Variants in PLPP1 observed in about 807,000 individuals in gnomAD.
PLPP1 encodes lipid phosphate phosphohydrolase 1a.
PLPP1 carries 24 observed loss-of-function variants against 31.2 expected under a neutral mutation model. That is an observed-to-expected ratio of 0.77 (90% CI 0.56 to 1.08). PLPP1 has a LOEUF of 1.08. PLPP1 is among the 50% of genes least tolerant of loss of function. The pLI is 0.00. For missense variants in PLPP1, 319 were observed against 342.7 expected (o/e 0.93, Z 0.55); for synonymous variants, 146 against 126.3 (o/e 1.16, Z -1.05).
chr5:55,443,193 ATAT>A (rs1378429295), intron 3 of PLPP1, among the ~76,000 whole-genome samples: 6 of 24,588 alleles, frequency 2.4e-4, no homozygotes, highest in African/African-American at 6.6e-4. Flanking sequence ...AAAAAAAAAA[ATAT>A]ATATATATAT....
At chr5:55,447,805 A>C (rs1030913279) in intron 3 of PLPP1, among the ~76,000 whole-genome samples, 1 of 152,230 alleles carries the variant, frequency 6.6e-6, no homozygotes, top group Non-Finnish European at 1.5e-5. Context: ...CAATGTAAAA[A>C]TTGTCTTCTT....
chr5:55,531,182 C>T (rs928950751), intron 1 of PLPP1, among the ~76,000 whole-genome samples: 2 of 152,150 alleles, frequency 1.3e-5, no homozygotes, highest in African/African-American at 4.8e-5. Flanking sequence ...ATTCTTTTTC[C>T]AAGAATTTAC....
intron 3 of PLPP1, among the ~76,000 whole-genome samples, chr5:55,464,765 C>T (rs778066646): frequency 8.5e-5 from 13 of 152,234 alleles, no homozygotes; most frequent in Middle Eastern, 3.4e-3. Context: ...CTAGAAAACA[C>T]AAAACTATAG....
intron 4 of PLPP1, 100 bp downstream of exon 4, chr5:55,441,751 G>A: frequency 8.1e-7 from 1 of 1,237,004 alleles, no homozygotes; most frequent in East Asian, 2.3e-5. Context: ...TTCACCTTTT[G>A]CTACTGGCTA....
intron 1 of PLPP1, 144 bp downstream of exon 1, chr5:55,534,428 C>G (rs1321910802): frequency 1.1e-6 from 1 of 875,298 alleles, no homozygotes; most frequent in East Asian, 3.3e-5. Flanking sequence ...AGCGGGGTCC[C>G]TCGGCTGCAG....
intron 4 of PLPP1, among the ~76,000 whole-genome samples, chr5:55,427,554 T>C (rs1468860839): frequency 1.3e-5 from 2 of 152,170 alleles, no homozygotes; most frequent in South Asian, 2.1e-4. Context: ...ACTTCCAACC[T>C]GAAGGAAACT....
intron 1 of PLPP1, among the ~76,000 whole-genome samples, chr5:55,495,642 T>C (rs1227157323): frequency 6.6e-6 from 1 of 152,116 alleles, no homozygotes; most frequent in East Asian, 1.9e-4. Flanking sequence ...AAACTTAGTA[T>C]TGAGCATTGT....
At chr5:55,479,651 A>C (rs563654427) in intron 1 of PLPP1, among the ~76,000 whole-genome samples, 2 of 152,330 alleles carry the variant, frequency 1.3e-5, no homozygotes, top group East Asian at 3.9e-4. Context: ...GTGAAATGGG[A>C]AAGTAGCTCT....
intron 1 of PLPP1, among the ~76,000 whole-genome samples, chr5:55,527,791 T>G (rs1740519505): frequency 6.6e-6 from 1 of 152,164 alleles, no homozygotes; most frequent in African/African-American, 2.4e-5. Flanking sequence ...GAAAGATGTG[T>G]AACTATAGAT....
chr5:55,428,523 C>T (rs1227613622), intron 4 of PLPP1, among the ~76,000 whole-genome samples: 1 of 152,246 alleles, frequency 6.6e-6, no homozygotes, highest in Non-Finnish European at 1.5e-5. Flanking sequence ...GTAAGTTCAA[C>T]AAAGCTAAAA....
intron 4 of PLPP1, among the ~76,000 whole-genome samples, chr5:55,429,433 A>G (rs1218260848): frequency 6.6e-6 from 1 of 152,110 alleles, no homozygotes; most frequent in East Asian, 1.9e-4. Flanking sequence ...CCTGGCAGGG[A>G]TTGGTTGGGG....
intron 4 of PLPP1, among the ~76,000 whole-genome samples, chr5:55,440,441 T>C (rs1211308001): frequency 6.6e-6 from 1 of 152,244 alleles, no homozygotes; most frequent in Non-Finnish European, 1.5e-5. Context: ...GAAAGAATGC[T>C]GATTTTTTTC....
chr5:55,432,095 CTTCTTTTTTTTTTTTTT>C (rs1480823166), intron 4 of PLPP1, among the ~76,000 whole-genome samples: 5 of 145,862 alleles, frequency 3.4e-5, no homozygotes, highest in Non-Finnish European at 3.0e-5. Flanking sequence ...TTTTCTTTTT[CTTCTTTTTTTTTTTTTT>C]TTTTTTTTTT....
intron 4 of PLPP1, among the ~76,000 whole-genome samples, chr5:55,426,715 G>A (rs1015266996): frequency 1.1e-4 from 16 of 152,050 alleles, no homozygotes; most frequent in African/African-American, 3.4e-4. Context: ...ACCCAGTATC[G>A]TGGTTAGTTC....
intron 4 of PLPP1, among the ~76,000 whole-genome samples, chr5:55,438,022 A>G (rs189711522): frequency 4.6e-5 from 7 of 152,362 alleles, no homozygotes; most frequent in Admixed American, 2.0e-4. Context: ...CAAGGCCCAG[A>G]TAAGAGGCAT....
intron 1 of PLPP1, among the ~76,000 whole-genome samples, chr5:55,517,994 G>T (rs1384856389): frequency 6.6e-6 from 1 of 152,146 alleles, no homozygotes; most frequent in Non-Finnish European, 1.5e-5. Context: ...TTATAGGCGT[G>T]AGCCACCACA....
intron 3 of PLPP1, among the ~76,000 whole-genome samples, chr5:55,464,091 C>A (rs1752230268): frequency 6.6e-6 from 1 of 151,652 alleles, no homozygotes; most frequent in Non-Finnish European, 1.5e-5. Flanking sequence ...TAACAAAAAC[C>A]CTTAGAATGG....
chr5:55,523,916 A>G (rs1376646630), intron 1 of PLPP1, among the ~76,000 whole-genome samples: 1 of 152,086 alleles, frequency 6.6e-6, no homozygotes, highest in Non-Finnish European at 1.5e-5. Flanking sequence ...CTTTCTTATA[A>G]TCTTGCTTTA....
At chr5:55,490,964 G>C in intron 1 of PLPP1, 1 of 1,608,638 alleles carries the variant, frequency 6.2e-7, no homozygotes, top group South Asian at 1.1e-5. Context: ...ACTTACAGAG[G>C]AAATGGGCAA....
Sources: allele counts gnomAD v4.1 joint callset (sites outside exome capture counted in the v4.1 genomes callset), GRCh38; gene constraint gnomAD v4.1.1; transcripts MANE v1.5; gene names NCBI Gene and HGNC (gene_info 2026-07-23, HGNC 2026-07-21).